APLP1: variants seen among roughly 807,000 people sequenced by gnomAD.
APLP1 encodes amyloid beta (A4) precursor-like protein 1.
APLP1 carries 46 observed loss-of-function variants against 84.5 expected under a neutral mutation model. That is an observed-to-expected ratio of 0.54 (90% CI 0.43 to 0.70). APLP1 has a LOEUF of 0.70. APLP1 is among the 30% of genes least tolerant of loss of function. The pLI is 0.00. For synonymous variants in APLP1, 376 were observed against 364.0 expected, an observed-to-expected ratio of 1.03 and a Z score of -0.38; for missense variants, 826 against 900.2, an observed-to-expected ratio of 0.92 and a Z score of 1.05.
chr19:35,879,059 C>A lies in APLP1; in HGVS notation c.1714-15C>A, dbSNP rs780553863. 1.9e-6 allele frequency: 3 copies of A among 1,612,414 alleles called. No individual in the cohort carries two copies. The highest frequency in any genetic ancestry group is 4.5e-5 in the East Asian group (2 of 44,888). On this transcript the variant is annotated splice_polypyrimidine_tract_variant and intron_variant, in intron 15 of 16. Coordinates refer to ENST00000221891, the MANE Select transcript of APLP1 (RefSeq NM_001024807.3). Reference sequence around the variant, plus strand: ...CCCTCAAAGAAGCCCTCTGCCCCATCTCCTCTCCCTGCAGGCACCAGCTGG... The same window carrying A: ...CCCTCAAAGAAGCCCTCTGCCCCATATCCTCTCCCTGCAGGCACCAGCTGG...
At position 35,871,985 on chromosome 19, in the gene APLP1, G is replaced by C; in HGVS notation, c.799G>C (p.Glu267Gln). ...FVEPPQAEEE[E>Q]ETVPPPSSHT... The stretch of plus-strand genomic sequence containing the variant: ...GGAGCCTCCGCAGGCTGAAGAGGAA[G>C]AGGAAACGGTCCCACCCCCAAGCTC... The change falls in exon 6 of 17, where the codon GAG (glutamate) becomes CAG (glutamine). Residue 267 changes from glutamate to glutamine, a missense_variant. Coordinates refer to ENST00000221891, the MANE Select transcript of APLP1 (RefSeq NM_001024807.3). The C allele has an allele frequency of 6.2e-7, 1 of 1,614,164 alleles. No individual in the cohort carries two copies. The highest frequency in any genetic ancestry group is 1.1e-5 in the South Asian group (1 of 91,080).
Position 35,870,197 on chromosome 19 carries a change from G to C in APLP1, c.291+387G>C. The C allele has an allele frequency of 1.1e-5, 3 of 264,304 alleles. No homozygotes were observed. The South Asian group carries it at 1.7e-4, about 15-fold the overall frequency. 16.4% of individuals were successfully genotyped at this position (264,304 alleles called of 1,614,324 possible). ...CCATGAAAAGACAAATTTATAACGG[G>C]AAGGGAGAGTTTTGGAGAGGCGGAA... On this transcript the variant is annotated intron_variant, in intron 2 of 16. Coordinates refer to ENST00000221891, the MANE Select transcript of APLP1 (RefSeq NM_001024807.3).
intron 6 of APLP1, among the ~76,000 whole-genome samples, 157 bp downstream of exon 6, chr19:35,872,193 G>A (rs1320749245): frequency 6.6e-6 from 1 of 151,820 alleles, no homozygotes; most frequent in Non-Finnish European, 1.5e-5. Flanking sequence ...GAAGTAGAAG[G>A]GCTAACCTGC....
chr19:35,870,762 C>T (rs1974121334), intron 2 of APLP1, 134 bp from the exon 3 acceptor site: 2 of 1,289,230 alleles, frequency 1.6e-6, no homozygotes, highest in African/African-American at 1.5e-5. Context: ...CCAGCCTGGG[C>T]GACAAGAGCA....
rs1974181693 is a variant in APLP1 at position 35,872,550 on chromosome 19, G to A, written c.918G>A (p.Glu306=). The change falls in exon 7 of 17, where the codon GAG becomes GAA. Residue 306 remains glutamate (E), a synonymous_variant. Coordinates refer to ENST00000221891, the MANE Select transcript of APLP1 (RefSeq NM_001024807.3). The part of the protein sequence containing the change: ...IYFGMPGEIS[E]HEGFLRAKMD... ...TTGGCATGCCTGGGGAAATCAGTGA[G>A]CACGAGGGGTTCCTGAGGGCCAAGA... The A allele has an allele frequency of 6.2e-7, 1 of 1,613,936 alleles. No individual in the cohort carries two copies. The highest frequency in any genetic ancestry group is 8.5e-7 in the Non-Finnish European group (1 of 1,179,938).
rs376386528 is a variant in APLP1 at position 35,872,047 on chromosome 19, C to G, written c.850+11C>G. The G allele has an allele frequency of 6.2e-7, 1 of 1,611,478 alleles. No individual in the cohort carries two copies. The highest frequency in any genetic ancestry group is 1.3e-5 in the African/African-American group (1 of 74,984). On this transcript the variant is annotated intron_variant, in intron 6 of 16. Coordinates refer to ENST00000221891, the MANE Select transcript of APLP1 (RefSeq NM_001024807.3). ...CAGTGGTCGGCAAAGGTGAGGCAGT[C>G]TCTGAACCCCTGGGGCCTCTCCACC... is the stretch of plus-strand genomic sequence containing the variant.
rs576914699 is a variant in APLP1 at position 35,874,345 on chromosome 19, C to T, written c.1057-159C>T. On this transcript the variant is annotated intron_variant, in intron 8 of 16. Coordinates refer to ENST00000221891, the MANE Select transcript of APLP1 (RefSeq NM_001024807.3). The surrounding 1 kb of genome is among the most constrained non-coding windows in gnomAD (Gnocchi z 6.4). ...AGTCCCACCTCCACTCTGCCTGGCC[C>T]TGTAGCCCACCCCTTCCAGTCCATA... Among the ~76,000 whole-genome samples, 26 of 152,322 alleles carry T rather than the reference C, an allele frequency of 1.7e-4. No individual in the cohort carries two copies. The East Asian group carries it at 3.7e-3, about 22-fold the overall frequency.
At chr19:35,871,440 C>T (rs1974144787) in intron 4 of APLP1, 91 bp downstream of exon 4, 2 of 1,342,582 alleles carry the variant, frequency 1.5e-6, no homozygotes, top group South Asian at 1.3e-5. Context: ...GGAGTCTGGG[C>T]CACCAGCATC....
In APLP1 at chr19:35,868,599, C is replaced by T. The variant is rs1230435463; in HGVS notation, c.-38C>T. 9.7e-6 allele frequency: 12 copies of T among 1,235,104 alleles called. No homozygotes were observed. The highest frequency in any genetic ancestry group is 3.2e-4 in the Middle Eastern group (1 of 3,136). 76.5% of individuals were successfully genotyped at this position (1,235,104 alleles called of 1,614,324 possible). Reference sequence around the variant, plus strand: ...CTGTCACCGCTGGGGCCGGGCCGGGCGGGAGTGCAGGGGACGTGAGGGCGC... The same window carrying T: ...CTGTCACCGCTGGGGCCGGGCCGGGTGGGAGTGCAGGGGACGTGAGGGCGC... On this transcript the variant is annotated 5_prime_UTR_variant, in exon 1 of 17. Transcript: ENST00000221891. This position sits in a 1 kb window ranked among gnomAD's most constrained non-coding sequence, Gnocchi z 5.2.
Position 35,874,668 on chromosome 19 carries a change from G to A in APLP1, c.1215+6G>A, listed in dbSNP as rs1974237463. 1 of 1,613,336 alleles carries A rather than the reference G, an allele frequency of 6.2e-7. No homozygotes were observed. The highest frequency in any genetic ancestry group is 1.7e-5 in the Admixed American group (1 of 59,996). On this transcript the variant is annotated splice_donor_region_variant and intron_variant, in intron 9 of 16. Coordinates refer to ENST00000221891, the MANE Select transcript of APLP1 (RefSeq NM_001024807.3). This position sits in a 1 kb window ranked among gnomAD's most constrained non-coding sequence, Gnocchi z 6.4. ...TGCAGGCAGATCCGCCTCAGGTGCG[G>A]GGACCGTGGGGGCAGAGAGCAGAGG...
Position 35,872,039 on chromosome 19 carries a change from G to A in APLP1, c.850+3G>A. ...TACACTTGCAGTGGTCGGCAAAGGT[G>A]AGGCAGTCTCTGAACCCCTGGGGCC... On this transcript the variant is annotated splice_donor_region_variant and intron_variant, in intron 6 of 16. Transcript: ENST00000221891. 2 of 1,613,190 alleles carry A rather than the reference G, an allele frequency of 1.2e-6. No homozygotes were observed. Among genetic ancestry groups the A allele is most frequent in the African/African-American group, 2.7e-5 (2 of 75,026 alleles).
intron 1 of APLP1, chr19:35,869,314 G>C (rs1974078113): frequency 5.6e-6 from 3 of 535,838 alleles, no homozygotes; most frequent in Non-Finnish European, 9.7e-6. Flanking sequence ...GCCTGAGCAA[G>C]GGATGGAGGG....
Position 35,877,746 on chromosome 19 carries a change from T to C in APLP1, c.1473T>C (p.Gly491=), listed in dbSNP as rs779241245. 6.2e-7 allele frequency: 1 copy of C among 1,610,020 alleles called. No homozygotes were observed. Among genetic ancestry groups the C allele is most frequent in the East Asian group, 2.2e-5 (1 of 44,796 alleles). The change falls in exon 12 of 17, where the codon GGT becomes GGC. Residue 491 remains glycine, a synonymous_variant. Transcript: ENST00000221891. ...AACTCCTCCACTCTGAACACCTGGG[T>C]CCCAGTGAATTGGAAGCCCCTGCCC... ...IQELLHSEHL[G]PSELEAPAPG...
rs1236639710 is a variant in APLP1, at chr19:35,874,358, C to A, written c.1057-146C>A. The A allele has an allele frequency of 2.0e-6, 2 of 985,508 alleles. No individual in the cohort carries two copies. Among genetic ancestry groups the A allele is most frequent in the Non-Finnish European group, 3.0e-6 (2 of 657,164 alleles). The allele number at this position is 985,508 out of a possible 1,614,324, so 61.0% of individuals were successfully genotyped here. On this transcript the variant is annotated intron_variant, in intron 8 of 16. Transcript: ENST00000221891. The surrounding 1 kb of genome is among the most constrained non-coding windows in gnomAD (Gnocchi z 6.4). ...CTCTGCCTGGCCCTGTAGCCCACCC[C>A]TTCCAGTCCATAACCTTTGGTTCTG...
Position 35,868,786 on chromosome 19 carries a change from G to A in APLP1, c.147+3G>A, listed in dbSNP as rs1974054201. The stretch of plus-strand genomic sequence containing the variant: ...GTGGGAGCCCCGGCGCGGCCGAGGT[G>A]AGGCCGGGCCGGGTCCTGGGGGATG... On this transcript the variant is annotated splice_donor_region_variant and intron_variant, in intron 1 of 16. Transcript: ENST00000221891. This position sits in a 1 kb window ranked among gnomAD's most constrained non-coding sequence, Gnocchi z 5.2. 3.1e-6 allele frequency: 4 copies of A among 1,306,592 alleles called. No homozygotes were observed. Among genetic ancestry groups the A allele is most frequent in the Non-Finnish European group, 1.9e-6 (2 of 1,029,996 alleles). 80.9% of individuals were successfully genotyped at this position (1,306,592 alleles called of 1,614,324 possible).
rs138562956 is a variant in APLP1 at position 35,879,190 on chromosome 19, C to T, written c.1830C>T (p.Tyr610=). The T allele has an allele frequency of 1.1e-3, 1,784 of 1,612,992 alleles. 12 individuals are homozygous for T. The Middle Eastern group carries it at 0.017, about 16-fold the overall frequency. The stretch of plus-strand genomic sequence containing the variant: ...TGCTCCTGCGCAGGAAGAAGCCCTA[C>T]GGGGCTATCAGCCATGGCGTGGTGG... The part of the protein sequence containing the change: ...SMLLLRRKKP[Y]GAISHGVVEV... The change falls in exon 16 of 17, where the codon TAC becomes TAT. Residue 610 remains tyrosine (Y), a synonymous_variant. Transcript: ENST00000221891.
intron 2 of APLP1, 89 bp downstream of exon 2, chr19:35,869,899 C>G (rs1168708969): frequency 1.3e-6 from 2 of 1,483,150 alleles, no homozygotes; most frequent in Non-Finnish European, 1.8e-6. Flanking sequence ...CGATCTAAGG[C>G]GTGGAGGCTG....
chr19:35,872,358 C>G (rs1974175179), intron 6 of APLP1, 125 bp from the exon 7 acceptor site: 1 of 1,311,952 alleles, frequency 7.6e-7, no homozygotes, highest in Non-Finnish European at 1.0e-6. Context: ...TAATGCCAGG[C>G]AGCAGCGGTG....
chr19:35,870,038 T>C (rs1267591947), intron 2 of APLP1: 24 of 603,596 alleles, frequency 4.0e-5, no homozygotes, highest in Non-Finnish European at 2.9e-6. Flanking sequence ...TCTGGTGGTC[T>C]TTGTAAAGAG....
Sources: allele counts gnomAD v4.1 joint callset (sites outside exome capture counted in the v4.1 genomes callset), GRCh38; gene constraint gnomAD v4.1.1; non-coding constraint Gnocchi (gnomAD v3.1); transcripts MANE v1.5; gene names NCBI Gene and HGNC (gene_info 2026-07-23, HGNC 2026-07-21).